The following ZBTB16 variants were observed in gnomAD, a reference collection of about 807,000 sequenced individuals.
The protein encoded by ZBTB16 is zinc finger and BTB domain-containing protein 16.
A neutral mutation model predicts 56.8 loss-of-function variants in ZBTB16; 8 were observed. The observed-to-expected ratio is 0.14, with a 90% confidence interval of 0.08 to 0.25. ZBTB16 has a LOEUF of 0.25. Ranked by LOEUF, ZBTB16 falls within the 10% of genes least tolerant of loss-of-function variation. The probability of loss-of-function intolerance (pLI) is 1.00; values close to 1 mark genes in which losing one functional copy is unlikely to be tolerated. For synonymous variants in ZBTB16, 363 were observed against 368.5 expected (o/e 0.98, Z 0.17); for missense variants, 625 against 903.0 (o/e 0.69, Z 3.95).
Position 114,251,116 on chromosome 11 carries a change from C to T in ZBTB16, c.*561C>T, listed in dbSNP as rs905283508. Among the ~76,000 whole-genome samples, 2 of 152,162 alleles carry T rather than the reference C, an allele frequency of 1.3e-5. No individual in the cohort carries two copies. Among genetic ancestry groups the T allele is most frequent in the African/African-American group, 4.8e-5 (2 of 41,444 alleles). On this transcript the variant is annotated 3_prime_UTR_variant, in exon 7 of 7. Coordinates refer to ENST00000335953, the MANE Select transcript of ZBTB16 (RefSeq NM_006006.6). Reference sequence around the variant, plus strand: ...TTTCTCTTCCCACCACTCAGCCCACCTGCTGCTTTCCTCTGCTTTGCCACA... The same window carrying T: ...TTTCTCTTCCCACCACTCAGCCCACTTGCTGCTTTCCTCTGCTTTGCCACA...
At chr11:114,165,729 A>G (rs1435315545) in intron 3 of ZBTB16, among the ~76,000 whole-genome samples, 2 of 152,120 alleles carry the variant, frequency 1.3e-5, no homozygotes, top group East Asian at 3.9e-4. Flanking sequence ...CCGGGAGAAC[A>G]GGCCTGGGTG....
intron 2 of ZBTB16, among the ~76,000 whole-genome samples, chr11:114,067,031 A>G (rs1340090866): frequency 6.6e-6 from 1 of 152,016 alleles, no homozygotes; most frequent in Non-Finnish European, 1.5e-5. Context: ...CGGCCTCCCA[A>G]AGTGCTGGGA....
chr11:114,228,078 G>A (rs536082209), intron 4 of ZBTB16, among the ~76,000 whole-genome samples: 1 of 152,226 alleles, frequency 6.6e-6, no homozygotes, highest in East Asian at 1.9e-4. Flanking sequence ...TTGGCTCCCT[G>A]GGCAGTCTGG....
At chr11:114,145,307 C>G (rs567113222) in intron 2 of ZBTB16, among the ~76,000 whole-genome samples, 9 of 152,228 alleles carry the variant, frequency 5.9e-5, no homozygotes, top group Non-Finnish European at 1.0e-4. Context: ...CAATTCCACT[C>G]CTAGGTATAT....
chr11:114,224,876 A>G (rs1302199260), intron 4 of ZBTB16, among the ~76,000 whole-genome samples: 1 of 152,214 alleles, frequency 6.6e-6, no homozygotes, highest in Non-Finnish European at 1.5e-5. Flanking sequence ...GCTCTTAGTG[A>G]CATGGGAGTC....
At position 114,219,075 on chromosome 11, in the gene ZBTB16, C is replaced by T. The variant is rs115276567; in HGVS notation, c.1454-23092C>T. On this transcript the variant is annotated intron_variant, in intron 4 of 6. Coordinates refer to ENST00000335953, the MANE Select transcript of ZBTB16 (RefSeq NM_006006.6). ...ATGTGCTGGCATGTGTATGCATGTA[C>T]GTGCGTGTATATGTATAGCGGGGCT... Among the ~76,000 whole-genome samples, 862 of 152,154 alleles carry T rather than the reference C, an allele frequency of 5.7e-3. 9 individuals are homozygous for T. The highest frequency in any genetic ancestry group is 0.02 in the African/African-American group (817 of 41,504).
At chr11:114,131,763 A>G (rs1941666443) in intron 2 of ZBTB16, among the ~76,000 whole-genome samples, 1 of 152,232 alleles carries the variant, frequency 6.6e-6, no homozygotes, top group Admixed American at 6.5e-5. Flanking sequence ...ACCGCGGGTC[A>G]GAGACAATCT....
intron 4 of ZBTB16, among the ~76,000 whole-genome samples, chr11:114,231,737 C>A (rs1370128975): frequency 6.6e-6 from 1 of 152,140 alleles, no homozygotes; most frequent in East Asian, 1.9e-4. Flanking sequence ...TAAAGAGATT[C>A]TCTTTAGCTA....
intron 4 of ZBTB16, among the ~76,000 whole-genome samples, chr11:114,201,575 G>A (rs1034236689): frequency 6.6e-6 from 1 of 152,170 alleles, no homozygotes; most frequent in African/African-American, 2.4e-5. Context: ...AACACTATTT[G>A]TAATTGCAAA....
chr11:114,107,645 G>T (rs1940845284), intron 2 of ZBTB16, among the ~76,000 whole-genome samples: 1 of 152,150 alleles, frequency 6.6e-6, no homozygotes, highest in Non-Finnish European at 1.5e-5. Context: ...TCCCAGGGTG[G>T]GTGCGCAACA....
chr11:114,174,748 G>A (rs1943063132), intron 3 of ZBTB16, among the ~76,000 whole-genome samples: 1 of 152,256 alleles, frequency 6.6e-6, no homozygotes, highest in Non-Finnish European at 1.5e-5. Context: ...GCAGAGCTCT[G>A]TATGCAAGTT....
At chr11:114,075,431 A>AT (rs1219269856) in intron 2 of ZBTB16, among the ~76,000 whole-genome samples, 4 of 151,410 alleles carry the variant, frequency 2.6e-5, no homozygotes, top group Non-Finnish European at 5.9e-5. Context: ...ATACTTCAGT[A>AT]TTTTTTCCAT....
intron 6 of ZBTB16, among the ~76,000 whole-genome samples, chr11:114,249,546 T>A (rs1209969014): frequency 4.3e-5 from 6 of 140,520 alleles, no homozygotes; most frequent in Admixed American, 1.4e-4. Context: ...CGGGTGGATC[T>A]TGAGGTCAGG....
rs541046686 is a variant in ZBTB16 at position 114,118,016 on chromosome 11, T to C, written c.1269-38321T>C. Among the ~76,000 whole-genome samples, 14 of 152,344 alleles carry C rather than the reference T, an allele frequency of 9.2e-5. No individual in the cohort carries two copies. The South Asian group carries it at 2.9e-3, about 32-fold the overall frequency. On this transcript the variant is annotated intron_variant, in intron 2 of 6. Transcript: ENST00000335953. ...TTGTAGTTACTGACTGACGAAATCATGACTCTGTGAAATTTTAATCCTTGG... is the reference window on the plus strand; with the variant it reads ...TTGTAGTTACTGACTGACGAAATCACGACTCTGTGAAATTTTAATCCTTGG...
intron 4 of ZBTB16, chr11:114,188,431 T>TTA (rs1257041405): frequency 3.3e-5 from 5 of 152,234 alleles, no homozygotes; most frequent in African/African-American, 1.2e-4. Context: ...GATAAATTAT[T>TTA]TAAACTCTCT....
intron 2 of ZBTB16, among the ~76,000 whole-genome samples, chr11:114,108,747 T>C (rs578127487): frequency 1.3e-4 from 20 of 152,320 alleles, no homozygotes; most frequent in African/African-American, 4.6e-4. Context: ...GCATTACCGA[T>C]GAGAAACTTC....
chr11:114,103,482 G>A (rs1470233200), intron 2 of ZBTB16, among the ~76,000 whole-genome samples: 1 of 152,090 alleles, frequency 6.6e-6, no homozygotes, highest in African/African-American at 2.4e-5. Flanking sequence ...GGGCTACAGA[G>A]TCTCTACCTA....
intron 2 of ZBTB16, among the ~76,000 whole-genome samples, chr11:114,092,174 G>C (rs1323031810): frequency 6.6e-6 from 1 of 152,214 alleles, no homozygotes; most frequent in Non-Finnish European, 1.5e-5. Context: ...AGACCCGAGA[G>C]GCTCCGGTGA....
chr11:114,187,106 C>A, intron 4 of ZBTB16, 68 bp downstream of exon 4: 2 of 1,505,712 alleles, frequency 1.3e-6, no homozygotes, highest in South Asian at 1.1e-5. Flanking sequence ...CATGAACTGT[C>A]TGGGTGGCAA....
Sources: gnomAD v4.1 joint callset for allele counts (sites outside exome capture counted in the v4.1 genomes callset) on GRCh38, gnomAD v4.1.1 for gene constraint, MANE v1.5 for transcripts, NCBI Gene and HGNC (gene_info 2026-07-23, HGNC 2026-07-21) for gene names.